Variants in CYP4X1 observed in about 807,000 individuals in gnomAD.
The protein encoded by CYP4X1 is cytochrome P450 4X1.
Under a neutral mutation model 57.9 loss-of-function variants are expected in CYP4X1, and 44 were observed. The ratio of observed to expected loss-of-function variants is 0.76; its 90% confidence interval spans 0.60 to 0.98. CYP4X1 has a LOEUF of 0.98. CYP4X1 is among the 50% of genes least tolerant of loss of function. The pLI, the probability that CYP4X1 is intolerant of heterozygous loss-of-function variation, is 0.00. For missense variants in CYP4X1, 532 were observed against 623.9 expected (o/e 0.85, Z 1.57); for synonymous variants, 227 against 228.6 (o/e 0.99, Z 0.06).
At chr1:47,046,826 C>T (rs192884867) in intron 9 of CYP4X1, among the ~76,000 whole-genome samples, 1 of 152,270 alleles carries the variant, frequency 6.6e-6, no homozygotes, top group African/African-American at 2.4e-5. Flanking sequence ...AAGCTAAGCC[C>T]AGAATCCATG....
chr1:47,038,758 T>C lies in CYP4X1; in HGVS notation c.874T>C (p.Ser292Pro), dbSNP rs1644213287. The C allele has an allele frequency of 2.5e-6, 4 of 1,608,468 alleles. 1 individual carries two copies. Among genetic ancestry groups the C allele is most frequent in the Admixed American group, 3.4e-5 (2 of 59,340 alleles). Residue 292 changes from serine (S) to proline (P), a missense_variant, in exon 7 of 12, where the codon TCT becomes CCT. Ser to Pro is a moderately conservative substitution (Grantham distance 74). Coordinates refer to ENST00000371901, the MANE Select transcript of CYP4X1 (RefSeq NM_178033.2). The part of the protein sequence containing the change: ...KYQDFLDIVL[S>P]AKDESGSSFS... ...CCAGGATTTTCTGGATATTGTCCTT[T>C]CTGCCAAGGTAAATCTTCTAAATTT...
the CYP4X1 span, among the ~76,000 whole-genome samples, chr1:46,983,758 A>G: frequency 2.6e-5 from 4 of 152,176 alleles, no homozygotes. Flanking sequence ...AGCAGTGGCA[A>G]AAATGGTGGG....
At chr1:46,986,679 G>T in the CYP4X1 span, among the ~76,000 whole-genome samples, 277 of 152,300 alleles carry the variant, frequency 1.8e-3, 2 homozygotes, top group African/African-American at 6.5e-3. Context: ...GACTAACAGT[G>T]GATCTCTCTG....
chr1:46,995,743 T>C, the CYP4X1 span, among the ~76,000 whole-genome samples: 1 of 152,226 alleles, frequency 6.6e-6, no homozygotes, highest in Non-Finnish European at 1.5e-5. Context: ...AAATTCATTA[T>C]AAAACTCATA....
rs573101682 is a variant in CYP4X1 at position 47,026,129 on chromosome 1, TG to T, written c.177+2138del. ...TGGGGGAGGAGGTAGGGAAGGTTAA[TG>T]GGTACAAAAAAAATAGAAAGAATGA... On this transcript the variant is annotated intron_variant, in intron 1 of 11. Coordinates refer to ENST00000371901, the MANE Select transcript of CYP4X1 (RefSeq NM_178033.2). 3.9e-5 allele frequency among the ~76,000 whole-genome samples: 6 copies of T among 152,218 alleles called. No individual in the cohort carries two copies. The South Asian group carries it at 1.2e-3, about 32-fold the overall frequency.
rs373809441 is a variant in CYP4X1, at chr1:47,023,842, C to A, written c.25C>A (p.Arg9Ser). The A allele has an allele frequency of 2.5e-6, 4 of 1,613,206 alleles. No individual in the cohort carries two copies. The highest frequency in any genetic ancestry group is 2.5e-6 in the Non-Finnish European group (3 of 1,179,926). Residue 9 changes from arginine to serine, a missense_variant, in exon 1 of 12, where the codon CGC (arginine) becomes AGC (serine). Arg to Ser is a moderately radical substitution (Grantham distance 110). Transcript: ENST00000371901. ...CATGGAATTCTCCTGGCTGGAGACG[C>A]GCTGGGCGCGGCCCTTTTACCTGGC... MEFSWLETRWARPFYLAFV... is the reference protein window; with the variant it reads MEFSWLETSWARPFYLAFV...
chr1:47,036,387 C>CATATATATAT (rs1198642261), intron 6 of CYP4X1, among the ~76,000 whole-genome samples: 2 of 134,698 alleles, frequency 1.5e-5, no homozygotes, highest in East Asian at 2.5e-4. Flanking sequence ...TATATATATA[C>CATATATATAT]ACTATTTTTA....
intron 9 of CYP4X1, 97 bp from the exon 10 acceptor site, chr1:47,048,468 A>AGCTCCTGGCAAT: frequency 1.6e-6 from 2 of 1,271,466 alleles, no homozygotes; most frequent in Non-Finnish European, 2.3e-6. Flanking sequence ...GCCAGGAGCT[A>AGCTCCTGGCAAT]GCTCTTCCCT....
the CYP4X1 span, among the ~76,000 whole-genome samples, chr1:47,017,860 A>T: frequency 2.0e-5 from 3 of 152,154 alleles, no homozygotes; most frequent in East Asian, 5.8e-4. Context: ...AAATGTATAA[A>T]ACCAAGCTGT....
chr1:46,978,226 G>A, the CYP4X1 span, among the ~76,000 whole-genome samples: 6 of 152,114 alleles, frequency 3.9e-5, no homozygotes, highest in South Asian at 1.2e-3. Flanking sequence ...GTATTGAGGA[G>A]ACCCATCTCA....
the CYP4X1 span, among the ~76,000 whole-genome samples, chr1:46,977,647 C>A: frequency 6.6e-6 from 1 of 151,976 alleles, no homozygotes; most frequent in Admixed American, 6.6e-5. Context: ...TACTCCACGA[C>A]AAGAGCACCC....
At chr1:47,014,904 C>T in the CYP4X1 span, among the ~76,000 whole-genome samples, 3 of 152,104 alleles carry the variant, frequency 2.0e-5, no homozygotes, top group Non-Finnish European at 4.4e-5. Flanking sequence ...CAGCACAGGT[C>T]GTATAGCCCA....
At chr1:46,994,973 C>G in the CYP4X1 span, among the ~76,000 whole-genome samples, 14 of 151,970 alleles carry the variant, frequency 9.2e-5, no homozygotes, top group Admixed American at 7.9e-4. Context: ...AATAAAACAC[C>G]CACTGAGAGT....
At chr1:46,972,729 C>G in the CYP4X1 span, among the ~76,000 whole-genome samples, 2 of 151,938 alleles carry the variant, frequency 1.3e-5, no homozygotes, top group South Asian at 2.1e-4. Flanking sequence ...TGAGTTGGCT[C>G]TCAGCTTGGA....
chr1:46,980,107 G>A, the CYP4X1 span, among the ~76,000 whole-genome samples: 1 of 152,146 alleles, frequency 6.6e-6, no homozygotes, highest in South Asian at 2.1e-4. Flanking sequence ...ATTCAACATA[G>A]TGTTGGAAGT....
At chr1:46,975,804 G>A in the CYP4X1 span, among the ~76,000 whole-genome samples, 2 of 152,070 alleles carry the variant, frequency 1.3e-5, no homozygotes, top group South Asian at 4.1e-4. Context: ...GCATGTTGGT[G>A]AGTCATGGAC....
downstream of CYP4X1, among the ~76,000 whole-genome samples, chr1:47,053,762 GTTGT>G (rs1176919124): frequency 4.6e-5 from 7 of 152,132 alleles, no homozygotes; most frequent in African/African-American, 1.4e-4. Context: ...TTTTGATGGG[GTTGT>G]TTGTTTTTTT....
the CYP4X1 span, among the ~76,000 whole-genome samples, chr1:46,982,039 GT>G: frequency 6.6e-6 from 1 of 152,164 alleles, no homozygotes; most frequent in East Asian, 1.9e-4. Flanking sequence ...TAAATGACAA[GT>G]TACTGGGTGC....
downstream of CYP4X1, among the ~76,000 whole-genome samples, chr1:47,055,248 CT>C (rs1644386327): frequency 6.6e-6 from 1 of 152,208 alleles, no homozygotes; most frequent in Admixed American, 6.5e-5. Flanking sequence ...TTGAACCAGC[CT>C]TTCATCCCAG....
Sources: allele counts gnomAD v4.1 joint callset (sites outside exome capture counted in the v4.1 genomes callset), GRCh38; gene constraint gnomAD v4.1.1; transcripts MANE v1.5; gene names NCBI Gene and HGNC (gene_info 2026-07-23, HGNC 2026-07-21).